Variants in ACOT13 observed in about 807,000 individuals in gnomAD.
The protein encoded by ACOT13 is acyl-coenzyme A thioesterase 13.
A neutral mutation model predicts 11.8 loss-of-function variants in ACOT13; 10 were observed. That is an observed-to-expected ratio of 0.85 (90% confidence interval 0.53 to 1.44). The LOEUF is 1.44. ACOT13 is among the 40% of genes most tolerant of loss of function. The pLI is 0.00. For missense variants in ACOT13, 172 were observed against 174.1 expected (o/e 0.99, Z 0.07); for synonymous variants, 53 against 61.0 (o/e 0.87, Z 0.61).
rs374212249 is a variant in ACOT13 at position 24,680,166 on chromosome 6, AG to A, written c.81+12824del. On this transcript the variant is annotated intron_variant, in intron 1 of 2. Transcript: ENST00000230048. ...AATTGCGAGTTGTCTCTTAATGAAAAGGAAGTTTGCACATATGGCACTTCAC... is the reference window on the plus strand; with the variant it reads ...AATTGCGAGTTGTCTCTTAATGAAAAGAAGTTTGCACATATGGCACTTCAC... 1.8e-3 allele frequency among the ~76,000 whole-genome samples: 276 copies of A among 152,270 alleles called. 2 individuals are homozygous for A. Among genetic ancestry groups the A allele is most frequent in the African/African-American group, 5.7e-3 (235 of 41,550 alleles).
At chr6:24,671,527 G>T (rs1286774149) in intron 1 of ACOT13, among the ~76,000 whole-genome samples, 1 of 151,968 alleles carries the variant, frequency 6.6e-6, no homozygotes, top group Non-Finnish European at 1.5e-5. Flanking sequence ...CGAATTAATG[G>T]GTGCAGCAAA....
intron 2 of ACOT13, among the ~76,000 whole-genome samples, chr6:24,698,775 T>C (rs957372948): frequency 6.6e-6 from 1 of 151,612 alleles, no homozygotes; most frequent in African/African-American, 2.4e-5. Flanking sequence ...GTAGCTGGGA[T>C]TACAGGTGTG....
At chr6:24,688,982 C>G (rs1177988032) in intron 1 of ACOT13, among the ~76,000 whole-genome samples, 1 of 152,082 alleles carries the variant, frequency 6.6e-6, no homozygotes, top group East Asian at 1.9e-4. Context: ...TTAAAGGATG[C>G]TTAAAAGCAC....
chr6:24,673,520 C>G (rs564829790), intron 1 of ACOT13, among the ~76,000 whole-genome samples: 13 of 152,182 alleles, frequency 8.5e-5, no homozygotes, highest in Middle Eastern at 6.8e-3. Flanking sequence ...GCCACCAGGC[C>G]TGGCTAATTT....
chr6:24,689,159 C>CA (rs1301689516), intron 1 of ACOT13, among the ~76,000 whole-genome samples: 131 of 138,918 alleles, frequency 9.4e-4, no homozygotes, highest in Non-Finnish European at 1.3e-3. Context: ...GACTCCGTCT[C>CA]AAAAAAAAAA....
rs942961704 is a variant in ACOT13 at position 24,697,867 on chromosome 6, T to C, written c.82-16T>C. The C allele has an allele frequency of 3.2e-6, 5 of 1,547,202 alleles. No individual in the cohort carries two copies. Among genetic ancestry groups the C allele is most frequent in the East Asian group, 2.3e-5 (1 of 42,818 alleles). On this transcript the variant is annotated splice_polypyrimidine_tract_variant and intron_variant, in intron 1 of 2. Transcript: ENST00000230048. ...TCTACAGAATTAATGTTCAGGATTC[T>C]TTTTTTTACACTTAGATTACTCTTG...
At chr6:24,696,682 C>G (rs1271486972) in intron 1 of ACOT13, among the ~76,000 whole-genome samples, 1 of 152,068 alleles carries the variant, frequency 6.6e-6, no homozygotes, top group Admixed American at 6.6e-5. Context: ...GATATTATAC[C>G]CTGATGGTTT....
At position 24,686,596 on chromosome 6, in the gene ACOT13, CCTTT is replaced by C. The variant is rs199906689; in HGVS notation, c.82-11278_82-11275del. ...TCTTTTTTCTTTTCTTTCCTTCCTT[CCTTT>C]CTTTCTTTTCTTCCTCTCCTTTCTT... On this transcript the variant is annotated intron_variant, in intron 1 of 2. Transcript: ENST00000230048. Among the ~76,000 whole-genome samples the C allele has an allele frequency of 3.2e-3, 486 of 149,890 alleles. 5 individuals carry two copies. Among genetic ancestry groups the C allele is most frequent in the East Asian group, 0.02 (98 of 4,928 alleles).
At chr6:24,689,979 A>G (rs1408437548) in intron 1 of ACOT13, among the ~76,000 whole-genome samples, 1 of 152,202 alleles carries the variant, frequency 6.6e-6, no homozygotes, top group African/African-American at 2.4e-5. Context: ...CATAGTCAAG[A>G]TTTAGTTCTT....
intron 1 of ACOT13, among the ~76,000 whole-genome samples, chr6:24,674,668 G>A (rs988040809): frequency 2.0e-5 from 3 of 152,042 alleles, no homozygotes; most frequent in African/African-American, 7.2e-5. Flanking sequence ...TGACTGCCTT[G>A]GCCTCCCAAA....
intron 1 of ACOT13, among the ~76,000 whole-genome samples, chr6:24,673,885 C>T (rs185969401): frequency 4.3e-4 from 63 of 147,570 alleles, no homozygotes; most frequent in African/African-American, 1.5e-3. Context: ...GAACTTTTAT[C>T]TTAGGACTAA....
intron 1 of ACOT13, among the ~76,000 whole-genome samples, chr6:24,686,649 C>G (rs1039446556): frequency 1.4e-5 from 2 of 144,766 alleles, no homozygotes; most frequent in African/African-American, 5.1e-5. Context: ...TTCTCTCTTT[C>G]TTCTCTCTCT....
chr6:24,680,286 G>A (rs1778526733), intron 1 of ACOT13, among the ~76,000 whole-genome samples: 1 of 152,202 alleles, frequency 6.6e-6, no homozygotes, highest in African/African-American at 2.4e-5. Context: ...CCCCCTTGAA[G>A]AGGATATCAT....
chr6:24,692,511 G>C (rs1032023245), intron 1 of ACOT13, among the ~76,000 whole-genome samples: 1 of 152,072 alleles, frequency 6.6e-6, no homozygotes, highest in Non-Finnish European at 1.5e-5. Flanking sequence ...TGACCTCTTG[G>C]GCTCAAGCGA....
Position 24,703,691 on chromosome 6 carries a change from G to A in ACOT13, c.*2076G>A, listed in dbSNP as rs1415196964. On this transcript the variant is annotated 3_prime_UTR_variant, in exon 3 of 3. Coordinates refer to ENST00000230048, the MANE Select transcript of ACOT13 (RefSeq NM_018473.4). ...TAAAGACTGGTTTGGGTTTTAGTCTGGAAAGAATCGCCAAGGGAGCTCCTG... is the reference window on the plus strand; with the variant it reads ...TAAAGACTGGTTTGGGTTTTAGTCTAGAAAGAATCGCCAAGGGAGCTCCTG... 2.6e-5 allele frequency: 4 copies of A among 152,270 alleles called. No individual in the cohort carries two copies. In the East Asian group the frequency reaches 5.8e-4, roughly 22 times the overall value. The allele number at this position is 152,270 out of a possible 1,614,324, so 9.4% of individuals were successfully genotyped here.
chr6:24,695,270 C>A (rs1036926317), intron 1 of ACOT13, among the ~76,000 whole-genome samples: 3 of 152,174 alleles, frequency 2.0e-5, no homozygotes, highest in African/African-American at 7.2e-5. Context: ...GATTACACCA[C>A]TGCACTCCAG....
At chr6:24,674,993 T>G (rs1332233700) in intron 1 of ACOT13, among the ~76,000 whole-genome samples, 1 of 151,082 alleles carries the variant, frequency 6.6e-6, no homozygotes, top group Non-Finnish European at 1.5e-5. Context: ...TTGGTTTTCT[T>G]TCCTTGAAAT....
chr6:24,685,918 T>G (rs1778623473), intron 1 of ACOT13, among the ~76,000 whole-genome samples: 2 of 151,964 alleles, frequency 1.3e-5, no homozygotes, highest in South Asian at 4.1e-4. Flanking sequence ...TCAGGCTGAG[T>G]ACCATAGCGC....
chr6:24,669,787 T>C (rs1365272636), intron 1 of ACOT13, among the ~76,000 whole-genome samples: 2 of 152,166 alleles, frequency 1.3e-5, no homozygotes, highest in Non-Finnish European at 2.9e-5. Flanking sequence ...AAAATATACA[T>C]AGGCCACGTT....
Sources: gnomAD v4.1 joint callset for allele counts (sites outside exome capture counted in the v4.1 genomes callset) on GRCh38, gnomAD v4.1.1 for gene constraint, MANE v1.5 for transcripts, NCBI Gene and HGNC (gene_info 2026-07-23, HGNC 2026-07-21) for gene names.